Variants in TENM4 observed in about 807,000 individuals in gnomAD.
TENM4 encodes the protein teneurin transmembrane protein 4, also known as teneurin-4.
Under a neutral mutation model 243.3 loss-of-function variants are expected in TENM4, and 82 were observed. The observed-to-expected ratio is 0.34, with a 90% CI of 0.28 to 0.40. The LOEUF is 0.40. Among genes scored for constraint, TENM4 ranks in the 10% least tolerant of loss-of-function variants. TENM4 has a pLI of 1.00. For missense variants in TENM4, 3,138 were observed against 3,673.3 expected (o/e 0.85, Z 3.77); for synonymous variants, 1,412 against 1,456.3 (o/e 0.97, Z 0.69).
chr11:78,885,975 A>T (rs1376082489), intron 9 of TENM4, among the ~76,000 whole-genome samples: 2 of 152,192 alleles, frequency 1.3e-5, no homozygotes, highest in Non-Finnish European at 2.9e-5. Flanking sequence ...ATCTGTCAGG[A>T]TTACCAACCA....
At chr11:78,992,339 G>C (rs1304677842) in intron 6 of TENM4, among the ~76,000 whole-genome samples, 3 of 152,170 alleles carry the variant, frequency 2.0e-5, no homozygotes, top group Non-Finnish European at 4.4e-5. Flanking sequence ...ACCTCTTCCG[G>C]GAAGTCCTCA....
Position 79,263,727 on chromosome 11 carries a change from T to C in TENM4, c.-265+33761A>G, listed in dbSNP as rs1413373159. Among the ~76,000 whole-genome samples the C allele has an allele frequency of 2.0e-5, 3 of 152,204 alleles. No homozygotes were observed. The East Asian group carries it at 5.8e-4, about 29-fold the overall frequency. On this transcript the variant is annotated intron_variant, in intron 2 of 33. Transcript: ENST00000278550. Reference sequence around the variant, plus strand: ...TTTTAATCAGTATCACAATTTCCAATGTCTAACAGTAACCCTAGTAACCCA... The same window carrying C: ...TTTTAATCAGTATCACAATTTCCAACGTCTAACAGTAACCCTAGTAACCCA...
intron 30 of TENM4, among the ~76,000 whole-genome samples, chr11:78,674,671 G>C (rs376213050): frequency 2.5e-5 from 3 of 121,384 alleles, no homozygotes; most frequent in Non-Finnish European, 4.4e-5. Context: ...ATTCAGACGG[G>C]GGAGCTCAGT....
chr11:78,963,498 G>A (rs556744212), intron 6 of TENM4, among the ~76,000 whole-genome samples: 2 of 152,204 alleles, frequency 1.3e-5, no homozygotes, highest in South Asian at 2.1e-4. Flanking sequence ...GTGACAGAAG[G>A]TTTATAACAT....
chr11:79,007,299 G>T (rs1008278093), intron 6 of TENM4, among the ~76,000 whole-genome samples: 1 of 152,048 alleles, frequency 6.6e-6, no homozygotes, highest in Non-Finnish European at 1.5e-5. Context: ...AAGAGTGGGG[G>T]CTGGAGCGGG....
rs915481769 is a variant in TENM4 at position 78,918,500 on chromosome 11, GT to G, written c.494-14978del. 1.3e-4 allele frequency among the ~76,000 whole-genome samples: 19 copies of G among 150,842 alleles called. 1 individual carries two copies. Among genetic ancestry groups the G allele is most frequent in the African/African-American group, 4.6e-4 (19 of 41,162 alleles). ...GAGAAATCCAATCAGCCCAGTTCAG[GT>G]TTGTGAAACAAATAATGCAGCCGGC... On this transcript the variant is annotated intron_variant, in intron 6 of 33. Coordinates refer to ENST00000278550, the MANE Select transcript of TENM4 (RefSeq NM_001098816.3).
At chr11:78,788,729 G>A (rs1354165671) in intron 15 of TENM4, among the ~76,000 whole-genome samples, 2 of 152,232 alleles carry the variant, frequency 1.3e-5, no homozygotes, top group Non-Finnish European at 2.9e-5. Flanking sequence ...GGGAGTCTAG[G>A]AGGTTTGTGA....
intron 4 of TENM4, among the ~76,000 whole-genome samples, chr11:79,113,655 C>T (rs1225007216): frequency 6.6e-6 from 1 of 151,940 alleles, no homozygotes; most frequent in African/African-American, 2.4e-5. Context: ...AGCCTAGGCA[C>T]TGGGGATTAA....
intron 19 of TENM4, among the ~76,000 whole-genome samples, chr11:78,740,120 T>C (rs77682934): frequency 6.6e-6 from 1 of 152,218 alleles, no homozygotes; most frequent in Non-Finnish European, 1.5e-5. Context: ...GAAGGCTTTT[T>C]CTTCTGGCCT....
At chr11:78,857,476 T>C (rs1241360574) in intron 10 of TENM4, among the ~76,000 whole-genome samples, 4 of 152,228 alleles carry the variant, frequency 2.6e-5, no homozygotes, top group Admixed American at 6.5e-5. Flanking sequence ...TAAAACATTT[T>C]ACTGTTTTAA....
intron 16 of TENM4, among the ~76,000 whole-genome samples, chr11:78,779,683 C>T (rs1313069901): frequency 2.6e-5 from 4 of 152,128 alleles, no homozygotes; most frequent in Admixed American, 6.5e-5. Flanking sequence ...CTGCAAAGGC[C>T]GGGTAGCTGG....
intron 2 of TENM4, among the ~76,000 whole-genome samples, chr11:79,262,718 T>TA (rs768146094): frequency 6.6e-6 from 1 of 152,204 alleles, no homozygotes; most frequent in Non-Finnish European, 1.5e-5. Flanking sequence ...GAACAAGACT[T>TA]AGAGTCAAAT....
chr11:78,696,702 CT>C (rs1462566675), intron 28 of TENM4, among the ~76,000 whole-genome samples: 3 of 152,158 alleles, frequency 2.0e-5, no homozygotes, highest in Non-Finnish European at 4.4e-5. Flanking sequence ...CCCTTGGGTC[CT>C]CCCTTTGTGC....
At chr11:79,381,677 G>A (rs146899885) in intron 1 of TENM4, among the ~76,000 whole-genome samples, 3 of 151,372 alleles carry the variant, frequency 2.0e-5, no homozygotes, top group Non-Finnish European at 2.9e-5. Context: ...GATATCCGAC[G>A]TTCACTTGAG....
At chr11:78,788,148 A>C (rs1264937367) in intron 15 of TENM4, among the ~76,000 whole-genome samples, 1 of 152,222 alleles carries the variant, frequency 6.6e-6, no homozygotes, top group Non-Finnish European at 1.5e-5. Context: ...TCTCCCTTCC[A>C]AACTGCATGC....
At chr11:79,320,625 G>T (rs1392364697) in intron 1 of TENM4, among the ~76,000 whole-genome samples, 1 of 152,070 alleles carries the variant, frequency 6.6e-6, no homozygotes, top group Non-Finnish European at 1.5e-5. Flanking sequence ...ACTCATGTTT[G>T]CTTATATCCA....
At chr11:79,033,463 T>C (rs945194712) in intron 6 of TENM4, among the ~76,000 whole-genome samples, 1 of 152,190 alleles carries the variant, frequency 6.6e-6, no homozygotes, top group Non-Finnish European at 1.5e-5. Context: ...ACAGGGTTAG[T>C]CCTCCCAACA....
intron 19 of TENM4, among the ~76,000 whole-genome samples, chr11:78,741,449 G>C (rs539444209): frequency 6.6e-6 from 1 of 152,206 alleles, no homozygotes; most frequent in Non-Finnish European, 1.5e-5. Flanking sequence ...AGACACACAG[G>C]AGGATGCCAT....
rs181518359 is a variant in TENM4 at position 79,035,377 on chromosome 11, A to C, written c.493+29361T>G. The stretch of plus-strand genomic sequence containing the variant: ...TAAAATTCTCAGCTCACCATCAGTG[A>C]AGCCATTTGCACCCTACAGCTCTGT... On this transcript the variant is annotated intron_variant, in intron 6 of 33. Transcript: ENST00000278550. Among the ~76,000 whole-genome samples the C allele has an allele frequency of 1.6e-4, 25 of 152,296 alleles. No individual in the cohort carries two copies. The East Asian group carries it at 4.4e-3, about 27-fold the overall frequency.
Sources: allele counts gnomAD v4.1 joint callset (sites outside exome capture counted in the v4.1 genomes callset), GRCh38; gene constraint gnomAD v4.1.1; transcripts MANE v1.5; gene names NCBI Gene and HGNC (gene_info 2026-07-23, HGNC 2026-07-21).